OTOGL: variants seen among roughly 807,000 people sequenced by gnomAD.
OTOGL encodes the protein otogelin-like protein.
A neutral mutation model predicts 318.5 loss-of-function variants in OTOGL; 285 were observed. The ratio of observed to expected loss-of-function variants is 0.89; its 90% CI spans 0.81 to 0.99. The LOEUF (loss-of-function observed/expected upper bound fraction) is 0.99. Ranked by LOEUF, OTOGL falls within the 50% of genes least tolerant of loss-of-function variation. OTOGL has a pLI of 0.00. For synonymous variants in OTOGL, 987 were observed against 936.5 expected, an observed-to-expected ratio of 1.05 and a Z score of -0.99; for missense variants, 2,899 against 2,845.6, an observed-to-expected ratio of 1.02 and a Z score of -0.43.
intron 34 of OTOGL, among the ~76,000 whole-genome samples, chr12:80,321,123 T>C (rs766235460): frequency 6.6e-5 from 10 of 152,202 alleles, no homozygotes; most frequent in Non-Finnish European, 1.2e-4. Context: ...ATATATTTAC[T>C]TCTGTCATTT....
chr12:80,295,439 A>G (rs943032531), intron 26 of OTOGL, among the ~76,000 whole-genome samples: 1 of 152,114 alleles, frequency 6.6e-6, no homozygotes, highest in African/African-American at 2.4e-5. Flanking sequence ...GGCCTCCCAA[A>G]GTGCTGGGAT....
At chr12:80,138,318 A>G (rs1871711051) in intron 1 of OTOGL, among the ~76,000 whole-genome samples, 1 of 152,178 alleles carries the variant, frequency 6.6e-6, no homozygotes, top group African/African-American at 2.4e-5. Context: ...TAGTTTCCTC[A>G]TCTATAAAAT....
At chr12:80,125,298 T>C (rs929916255) in intron 1 of OTOGL, among the ~76,000 whole-genome samples, 1 of 152,272 alleles carries the variant, frequency 6.6e-6, no homozygotes, top group African/African-American at 2.4e-5. Flanking sequence ...GAGATAATCA[T>C]GTGGCTTTTG....
At chr12:80,312,030 G>A (rs1026196671) in intron 30 of OTOGL, among the ~76,000 whole-genome samples, 9 of 151,992 alleles carry the variant, frequency 5.9e-5, no homozygotes, top group African/African-American at 1.2e-4. Context: ...TTCAAAGGGC[G>A]AAATAAAAAA....
At position 80,330,346 on chromosome 12, in the gene OTOGL, G is replaced by A. The variant is rs934887833; in HGVS notation, c.4348+1227G>A. Among the ~76,000 whole-genome samples the A allele has an allele frequency of 3.9e-5, 6 of 152,142 alleles. No homozygotes were observed. The East Asian group carries it at 1.2e-3, about 29-fold the overall frequency. On this transcript the variant is annotated intron_variant, in intron 37 of 58. Coordinates refer to ENST00000547103, the MANE Select transcript of OTOGL (RefSeq NM_001378609.3). ...TCTTAATAAGAGCCCTACGAGAGAG[G>A]TTTACCCTTCTAGAGATGAGGAATT...
chr12:80,246,856 A>T (rs1223349139), intron 11 of OTOGL, among the ~76,000 whole-genome samples: 1 of 26,484 alleles, frequency 3.8e-5, no homozygotes, highest in African/African-American at 2.2e-4. Flanking sequence ...TTATTGGTCT[A>T]TTCAGAGATT....
In OTOGL at chr12:80,302,573, T is replaced by C. The variant is rs553437488; in HGVS notation, c.3064-61T>C. On this transcript the variant is annotated intron_variant, in intron 27 of 58. Transcript: ENST00000547103. ...TTGGTAAATGTTAACTAAACTAATT[T>C]GATATATTTTGGTTAGAGAACTTAC... 83 of 1,056,944 alleles carry C rather than the reference T, an allele frequency of 7.9e-5. No homozygotes were observed. In the African/African-American group the frequency reaches 1.3e-3, roughly 16 times the overall value. 65.5% of individuals were successfully genotyped at this position (1,056,944 alleles called of 1,614,324 possible).
In OTOGL at chr12:80,295,157, C is replaced by CTTTTTTTTTTT. The variant is rs66786755; in HGVS notation, c.2929-1651_2929-1641dup. On this transcript the variant is annotated intron_variant, in intron 26 of 58. Coordinates refer to ENST00000547103, the MANE Select transcript of OTOGL (RefSeq NM_001378609.3). The stretch of plus-strand genomic sequence containing the variant: ...AAACACAAACTGTATGATTGCCGAA[C>CTTTTTTTTTTT]TTTTTTTTTTTTTTTTTTTTTTTTT... Among the ~76,000 whole-genome samples the CTTTTTTTTTTT allele has an allele frequency of 2.7e-4, 27 of 98,924 alleles. 3 individuals are homozygous for CTTTTTTTTTTT. Among genetic ancestry groups the CTTTTTTTTTTT allele is most frequent in the African/African-American group, 8.2e-4 (17 of 20,626 alleles). 64.9% of individuals were successfully genotyped at this position (98,924 alleles called of 152,430 possible).
intron 1 of OTOGL, among the ~76,000 whole-genome samples, chr12:80,147,414 G>A (rs528696615): frequency 1.8e-3 from 276 of 150,986 alleles, no homozygotes; most frequent in Non-Finnish European, 3.2e-3. Context: ...ACTGTGGTCT[G>A]AGAGACAGTT....
chr12:80,147,215 C>T (rs1161209137), intron 1 of OTOGL, among the ~76,000 whole-genome samples: 2 of 151,278 alleles, frequency 1.3e-5, no homozygotes, highest in African/African-American at 4.9e-5. Context: ...TCCCTCTACA[C>T]ACTGCTTTGA....
intron 1 of OTOGL, among the ~76,000 whole-genome samples, chr12:80,168,156 C>T (rs1873951090): frequency 6.6e-6 from 1 of 151,992 alleles, no homozygotes; most frequent in Non-Finnish European, 1.5e-5. Flanking sequence ...GATGTTTTGC[C>T]ATGTTGTCCA....
chr12:80,198,429 C>T lies in OTOGL; in HGVS notation c.-19-10984C>T, dbSNP rs377662810. On this transcript the variant is annotated intron_variant, in intron 1 of 58. Transcript: ENST00000547103. ...GTGAAACCCCATCTCTAATAAAATA[C>T]AAAAATTAGCTGGGCATGGTGGCAC... Among the ~76,000 whole-genome samples the T allele has an allele frequency of 2.0e-5, 3 of 152,076 alleles. No individual in the cohort carries two copies. The East Asian group carries it at 5.8e-4, about 29-fold the overall frequency.
chr12:80,280,699 G>A (rs1884165531), intron 26 of OTOGL, among the ~76,000 whole-genome samples: 1 of 151,798 alleles, frequency 6.6e-6, no homozygotes, highest in Admixed American at 6.6e-5. Flanking sequence ...TAGTCTTGTA[G>A]TATAGTTTGG....
At position 80,328,755 on chromosome 12, in the gene OTOGL, A is replaced by G. The variant is rs1466418021; in HGVS notation, c.4279+11A>G. 3.2e-6 allele frequency: 5 copies of G among 1,575,036 alleles called. No individual in the cohort carries two copies. The highest frequency in any genetic ancestry group is 4.5e-5 in the East Asian group (2 of 44,696). ...TTTATCCACGAGACTGTAAGTGTGA[A>G]CGTTGCTTAATTTACTCTGAAAAAT... is the stretch of plus-strand genomic sequence containing the variant. On this transcript the variant is annotated intron_variant, in intron 36 of 58. Coordinates refer to ENST00000547103, the MANE Select transcript of OTOGL (RefSeq NM_001378609.3).
chr12:80,248,417 C>T (rs1373527509), intron 11 of OTOGL, among the ~76,000 whole-genome samples: 1 of 144,088 alleles, frequency 6.9e-6, no homozygotes, highest in East Asian at 2.0e-4. Context: ...TTCTCCTTCA[C>T]TTATGAAGCT....
At chr12:80,210,096 G>A (rs1052361887) in intron 2 of OTOGL, among the ~76,000 whole-genome samples, 92 of 151,774 alleles carry the variant, frequency 6.1e-4, no homozygotes, top group African/African-American at 2.2e-3. Flanking sequence ...ATTATGGAAA[G>A]CTTATAAACA....
chr12:80,199,560 T>G (rs1876315975), intron 1 of OTOGL, among the ~76,000 whole-genome samples: 2 of 152,232 alleles, frequency 1.3e-5, no homozygotes, highest in Admixed American at 1.3e-4. Flanking sequence ...TGAATTAGTT[T>G]AATAGATGAT....
At chr12:80,136,958 A>G (rs1366826818) in intron 1 of OTOGL, among the ~76,000 whole-genome samples, 1 of 152,156 alleles carries the variant, frequency 6.6e-6, no homozygotes, top group Non-Finnish European at 1.5e-5. Flanking sequence ...CATAATTAGA[A>G]TATTACTTAG....
At chr12:80,154,459 C>T (rs1872991604) in intron 1 of OTOGL, among the ~76,000 whole-genome samples, 1 of 151,754 alleles carries the variant, frequency 6.6e-6, no homozygotes, top group Admixed American at 6.6e-5. Context: ...AAGGCAGCTG[C>T]ACAATCAATC....
Sources: allele counts gnomAD v4.1 joint callset (sites outside exome capture counted in the v4.1 genomes callset), GRCh38; gene constraint gnomAD v4.1.1; transcripts MANE v1.5; gene names NCBI Gene and HGNC (gene_info 2026-07-23, HGNC 2026-07-21).